The following BIN1 variants were observed in gnomAD, a reference collection of about 807,000 sequenced individuals.
The protein encoded by BIN1 is bridging integrator 1, also known as myc box-dependent-interacting protein 1.
In BIN1, 53 loss-of-function variants were observed where a neutral mutation model predicts 82.0. The ratio of observed to expected loss-of-function variants is 0.65; its 90% CI spans 0.52 to 0.81. The LOEUF (loss-of-function observed/expected upper bound fraction) is 0.81, where lower values mean the gene tolerates loss of function less well. BIN1 is among the 40% of genes least tolerant of loss of function. The pLI, the probability that BIN1 is intolerant of heterozygous loss-of-function variation, is 0.00. For missense variants in BIN1, 642 were observed against 784.4 expected (o/e 0.82, Z 2.17); for synonymous variants, 302 against 328.0 (o/e 0.92, Z 0.86).
In BIN1 at chr2:127,048,649, C is replaced by T. The variant is rs550886832; in HGVS notation, c.1675-16G>A. ...AGCCTTCATCCTGAGGGGCAGAGCA[C>T]CAGGTCGCACAGGGATGAGCAAGGG... is the stretch of plus-strand genomic sequence containing the variant. On this transcript the variant is annotated splice_polypyrimidine_tract_variant and intron_variant, in intron 18 of 18. Coordinates refer to ENST00000316724, the MANE Select transcript of BIN1 (RefSeq NM_139343.3). The T allele has an allele frequency of 3.7e-6, 6 of 1,611,282 alleles. No individual in the cohort carries two copies. The South Asian group carries it at 6.6e-5, about 18-fold the overall frequency.
chr2:127,052,186 G>T, intron 15 of BIN1, 69 bp downstream of exon 15: 1 of 1,471,072 alleles, frequency 6.8e-7, no homozygotes, highest in Non-Finnish European at 9.3e-7. Context: ...CCTCCTCGGG[G>T]CTCTCCTTCC....
chr2:127,052,615 T>G, intron 14 of BIN1: 1 of 535,294 alleles, frequency 1.9e-6, no homozygotes. Context: ...AAAATGGCCC[T>G]ACCAGCTCGC....
chr2:127,100,999 C>CGGGGCGGG (rs1553487376), intron 1 of BIN1, among the ~76,000 whole-genome samples: 2 of 101,684 alleles, frequency 2.0e-5, no homozygotes, highest in African/African-American at 9.9e-5. Context: ...TAGGAATGTG[C>CGGGGCGGG]GGGGGGTGGG....
intron 15 of BIN1, 39 bp downstream of exon 15, chr2:127,052,216 T>TGGGGACAAGCCAGACAGG: frequency 6.5e-7 from 1 of 1,541,584 alleles, no homozygotes; most frequent in Non-Finnish European, 8.8e-7. Context: ...CCCTAGAGAC[T>TGGGGACAAGCCAGACAGG]GGGGACAAGC....
intron 1 of BIN1, among the ~76,000 whole-genome samples, chr2:127,096,526 A>G (rs1179426333): frequency 6.6e-6 from 1 of 152,160 alleles, no homozygotes; most frequent in Non-Finnish European, 1.5e-5. Context: ...AGCAGCCCCA[A>G]GGGGATGAAT....
At chr2:127,104,090 G>T (rs1680705386) in intron 1 of BIN1, among the ~76,000 whole-genome samples, 1 of 152,226 alleles carries the variant, frequency 6.6e-6, no homozygotes. Context: ...CAGCATCGGG[G>T]ACTCAGCCCA....
chr2:127,073,122 C>A (rs1686123590), intron 2 of BIN1, among the ~76,000 whole-genome samples: 1 of 152,234 alleles, frequency 6.6e-6, no homozygotes, highest in Non-Finnish European at 1.5e-5. Flanking sequence ...CAACGCTGGG[C>A]TGTGCGCCGG....
chr2:127,072,130 C>T (rs1175223720), intron 2 of BIN1, among the ~76,000 whole-genome samples: 2 of 152,242 alleles, frequency 1.3e-5, no homozygotes, highest in Non-Finnish European at 2.9e-5. Flanking sequence ...TGCAGCGCTC[C>T]AGTCTGGCCA....
chr2:127,107,076 G>C lies in BIN1; in HGVS notation c.-133C>G, dbSNP rs907276624. On this transcript the variant is annotated 5_prime_UTR_variant, in exon 1 of 19. Transcript: ENST00000316724. This position sits in a 1 kb window ranked among gnomAD's most constrained non-coding sequence, Gnocchi z 5.9. Reference sequence around the variant, plus strand: ...TCCACGCCGCGCACCCGACAGCGGAGCCAACTGACGGAGGCGGAGCGTGCG... The same window carrying C: ...TCCACGCCGCGCACCCGACAGCGGACCCAACTGACGGAGGCGGAGCGTGCG... The C allele has an allele frequency of 1.8e-5, 17 of 945,380 alleles. No homozygotes were observed. The African/African-American group carries it at 2.8e-4, about 16-fold the overall frequency. The allele number at this position is 945,380 out of a possible 1,614,324, so 58.6% of individuals were successfully genotyped here. A position where few individuals can be genotyped will look rare whatever the true frequency, so the allele number is the denominator to read the frequency against.
chr2:127,106,225 G>C (rs572883789), intron 1 of BIN1, among the ~76,000 whole-genome samples: 1 of 152,206 alleles, frequency 6.6e-6, no homozygotes, highest in African/African-American at 2.4e-5. Flanking sequence ...CTTGCGGGGT[G>C]CGTAGCCCTG....
At chr2:127,065,327 A>G (rs1375055899) in intron 7 of BIN1, among the ~76,000 whole-genome samples, 1 of 152,108 alleles carries the variant, frequency 6.6e-6, no homozygotes, top group East Asian at 1.9e-4. Flanking sequence ...AAGAATGTCT[A>G]TTCCAACATG....
chr2:127,081,727 C>T, intron 1 of BIN1: 1 of 1,190,848 alleles, frequency 8.4e-7, no homozygotes. Flanking sequence ...TTCCCAACAC[C>T]CCACCCCCAC....
chr2:127,077,317 CA>C (rs1363197658), intron 1 of BIN1, among the ~76,000 whole-genome samples: 4 of 97,954 alleles, frequency 4.1e-5, no homozygotes, highest in African/African-American at 8.9e-5. Context: ...CTGCACAGCC[CA>C]CACACACACA....
At position 127,082,117 on chromosome 2, in the gene BIN1, T is replaced by C. The variant is rs994457086; in HGVS notation, c.85-5411A>G. Among the ~76,000 whole-genome samples, 3 of 152,046 alleles carry C rather than the reference T, an allele frequency of 2.0e-5. No homozygotes were observed. Among genetic ancestry groups the C allele is most frequent in the Non-Finnish European group, 2.9e-5 (2 of 67,992 alleles). Reference sequence around the variant, plus strand: ...AAGAGGCGAAAGGGAGGAGGGCCCCTAGAACAGGACAAAGGCGAGCCTTCT... The same window carrying C: ...AAGAGGCGAAAGGGAGGAGGGCCCCCAGAACAGGACAAAGGCGAGCCTTCT... On this transcript the variant is annotated intron_variant, in intron 1 of 18. Transcript: ENST00000316724. This position sits in a 1 kb window ranked among gnomAD's most constrained non-coding sequence, Gnocchi z 6.1.
At chr2:127,085,298 C>T (rs62158723) in intron 1 of BIN1, among the ~76,000 whole-genome samples, 22,464 of 152,170 alleles carry the variant, frequency 0.15, 1,765 homozygotes, top group South Asian at 0.22. Context: ...CACTTCTTAG[C>T]GGCTAGCCAC....
At chr2:127,061,865 G>A (rs373721718) in intron 10 of BIN1, among the ~76,000 whole-genome samples, 13 of 152,160 alleles carry the variant, frequency 8.5e-5, no homozygotes, top group Admixed American at 3.9e-4. Context: ...GGGGTCAGCC[G>A]GCTCAGGGAC....
At chr2:127,071,373 A>G (rs1294687506) in intron 2 of BIN1, among the ~76,000 whole-genome samples, 1 of 152,204 alleles carries the variant, frequency 6.6e-6, no homozygotes, top group Non-Finnish European at 1.5e-5. Flanking sequence ...ACGGCACTAC[A>G]GCAGGGGTGC....
chr2:127,059,200 G>T lies in BIN1; in HGVS notation c.858-45C>A. 1 of 1,551,424 alleles carries T rather than the reference G, an allele frequency of 6.4e-7. No individual in the cohort carries two copies. ...AGGGAGCCCAGTGTTGGGGGGCCAA[G>T]GCACAGGAGACGGAGGGGCAAATGT... is the stretch of plus-strand genomic sequence containing the variant. On this transcript the variant is annotated intron_variant, in intron 10 of 18. Coordinates refer to ENST00000316724, the MANE Select transcript of BIN1 (RefSeq NM_139343.3). This position sits in a 1 kb window ranked among gnomAD's most constrained non-coding sequence, Gnocchi z 6.7.
chr2:127,064,393 C>A (rs752642794), intron 7 of BIN1, among the ~76,000 whole-genome samples: 4 of 152,196 alleles, frequency 2.6e-5, no homozygotes, highest in African/African-American at 4.8e-5. Flanking sequence ...CCCACTTCCA[C>A]AATGAACCTC....
Sources: allele counts gnomAD v4.1 joint callset (sites outside exome capture counted in the v4.1 genomes callset), GRCh38; gene constraint gnomAD v4.1.1; non-coding constraint Gnocchi (gnomAD v3.1); transcripts MANE v1.5; gene names NCBI Gene and HGNC (gene_info 2026-07-23, HGNC 2026-07-21).